Variants in AP3B2 observed in about 807,000 individuals in gnomAD.
AP3B2 encodes the protein AP-3 complex subunit beta-2.
In AP3B2, 50 loss-of-function variants were observed where a neutral mutation model predicts 126.9. The ratio of observed to expected loss-of-function variants is 0.39; its 90% CI spans 0.31 to 0.50. The LOEUF (loss-of-function observed/expected upper bound fraction) is 0.50, where lower values mean the gene tolerates loss of function less well. AP3B2 is among the 20% of genes least tolerant of loss of function. The pLI is 0.79. For synonymous variants in AP3B2, 541 were observed against 565.0 expected (o/e 0.96, Z 0.60); for missense variants, 1,177 against 1,426.4 (o/e 0.83, Z 2.82).
chr15:82,659,301 G>T lies in AP3B2; in HGVS notation c.*259C>A. 1 of 425,446 alleles carries T rather than the reference G, an allele frequency of 2.4e-6. No individual in the cohort carries two copies. The allele number at this position is 425,446 out of a possible 1,614,324, so 26.4% of individuals were successfully genotyped here. On this transcript the variant is annotated 3_prime_UTR_variant, in exon 27 of 27. Transcript: ENST00000535359. Reference sequence around the variant, plus strand: ...GCAGCTAGAGAGAAGACATTTTATTGAGCCTGCTACATAAATAGCTACAGA... The same window carrying T: ...GCAGCTAGAGAGAAGACATTTTATTTAGCCTGCTACATAAATAGCTACAGA...
rs1346284272 is a variant in AP3B2 at position 82,665,127 on chromosome 15, G to A, written c.2028+120C>T. ...AGGGGAGGGAATGCTGCTCACAGAGGAGCACTGCCAAACCAAGGTGGAAAC... is the reference window on the plus strand; with the variant it reads ...AGGGGAGGGAATGCTGCTCACAGAGAAGCACTGCCAAACCAAGGTGGAAAC... On this transcript the variant is annotated intron_variant, in intron 17 of 26. Coordinates refer to ENST00000535359, the MANE Select transcript of AP3B2 (RefSeq NM_001278512.2). This position sits in a 1 kb window ranked among gnomAD's most constrained non-coding sequence, Gnocchi z 4.4. The A allele has an allele frequency of 1.5e-5, 18 of 1,171,912 alleles. No homozygotes were observed. Among genetic ancestry groups the A allele is most frequent in the Middle Eastern group, 3.8e-4 (2 of 5,216 alleles). The allele number at this position is 1,171,912 out of a possible 1,614,324, so 72.6% of individuals were successfully genotyped here. A position where few individuals can be genotyped will look rare whatever the true frequency, so the allele number is the denominator to read the frequency against.
At position 82,664,766 on chromosome 15, in the gene AP3B2, C is replaced by A; in HGVS notation, c.2137+69G>T. ...TAGACACACAACCATATACATATAC[C>A]CCTCATATAGTCAGTCACACAGATG... is the stretch of plus-strand genomic sequence containing the variant. On this transcript the variant is annotated intron_variant, in intron 18 of 26. Coordinates refer to ENST00000535359, the MANE Select transcript of AP3B2 (RefSeq NM_001278512.2). This position sits in a 1 kb window ranked among gnomAD's most constrained non-coding sequence, Gnocchi z 4.5. The A allele has an allele frequency of 8.1e-7, 1 of 1,229,126 alleles. No individual in the cohort carries two copies. Among genetic ancestry groups the A allele is most frequent in the South Asian group, 1.4e-5 (1 of 73,798 alleles). 76.1% of individuals were successfully genotyped at this position (1,229,126 alleles called of 1,614,324 possible).
Position 82,665,122 on chromosome 15 carries a change from C to G in AP3B2, c.2028+125G>C. Reference sequence around the variant, plus strand: ...CATGGAGGGGAGGGAATGCTGCTCACAGAGGAGCACTGCCAAACCAAGGTG... The same window carrying G: ...CATGGAGGGGAGGGAATGCTGCTCAGAGAGGAGCACTGCCAAACCAAGGTG... On this transcript the variant is annotated intron_variant, in intron 17 of 26. Transcript: ENST00000535359. The surrounding 1 kb of genome is among the most constrained non-coding windows in gnomAD (Gnocchi z 4.4). The G allele has an allele frequency of 8.7e-7, 1 of 1,144,278 alleles. No homozygotes were observed. Among genetic ancestry groups the G allele is most frequent in the Non-Finnish European group, 1.3e-6 (1 of 798,664 alleles). The allele number at this position is 1,144,278 out of a possible 1,614,324, so 70.9% of individuals were successfully genotyped here.
At chr15:82,663,029 C>T (rs145292515) in intron 22 of AP3B2, 98 bp downstream of exon 22, 35,860 of 1,487,300 alleles carry the variant, frequency 0.024, 486 homozygotes, top group Non-Finnish European at 0.028. Context: ...GCTATCACAT[C>T]CTCCATCACA....
Position 82,681,201 on chromosome 15 carries a change from G to C in AP3B2, c.522-23C>G, listed in dbSNP as rs1287955525. On this transcript the variant is annotated intron_variant, in intron 5 of 26. Coordinates refer to ENST00000535359, the MANE Select transcript of AP3B2 (RefSeq NM_001278512.2). This position sits in a 1 kb window ranked among gnomAD's most constrained non-coding sequence, Gnocchi z 4.0. ...AAACTGAGGGAGAAATCGGTGAGGG[G>C]AATTTGCCACTCTCAGCCCCAGCCT... 3 of 1,602,998 alleles carry C rather than the reference G, an allele frequency of 1.9e-6. No individual in the cohort carries two copies. Among genetic ancestry groups the C allele is most frequent in the Non-Finnish European group, 2.6e-6 (3 of 1,174,902 alleles).
At chr15:82,669,606 C>T (rs572730530) in intron 14 of AP3B2, among the ~76,000 whole-genome samples, 20 of 150,736 alleles carry the variant, frequency 1.3e-4, no homozygotes, top group Admixed American at 4.6e-4. Flanking sequence ...GCAGGAGAAC[C>T]GCTTGAACCC....
In AP3B2 at chr15:82,664,301, A is replaced by G. The variant is rs1429199121; in HGVS notation, c.2261+66T>C. Reference sequence around the variant, plus strand: ...CTCTTAGGAGACTGGCTAAAGCTCAATGCTAGCCCTCTTTCCAGGAAAGCC... The same window carrying G: ...CTCTTAGGAGACTGGCTAAAGCTCAGTGCTAGCCCTCTTTCCAGGAAAGCC... On this transcript the variant is annotated intron_variant, in intron 19 of 26. Coordinates refer to ENST00000535359, the MANE Select transcript of AP3B2 (RefSeq NM_001278512.2). The surrounding 1 kb of genome is among the most constrained non-coding windows in gnomAD (Gnocchi z 4.5). 12 of 1,609,420 alleles carry G rather than the reference A, an allele frequency of 7.5e-6. No individual in the cohort carries two copies. The highest frequency in any genetic ancestry group is 6.7e-5 in the East Asian group (3 of 44,866).
In AP3B2 at chr15:82,665,275, T is replaced by G. The variant is rs2151429664; in HGVS notation, c.2000A>C (p.His667Pro). 1 of 1,545,374 alleles carries G rather than the reference T, an allele frequency of 6.5e-7. No individual in the cohort carries two copies. Among genetic ancestry groups the G allele is most frequent in the Non-Finnish European group, 8.7e-7 (1 of 1,152,184 alleles). The change falls in exon 17 of 27, where the codon CAC becomes CCC. Residue 667 changes from histidine to proline, a missense_variant. By Grantham distance (77) the His-to-Pro change is moderately conservative. Transcript: ENST00000535359. This position sits in a 1 kb window ranked among gnomAD's most constrained non-coding sequence, Gnocchi z 4.4. ...AGTGTATTCGCCCAACAGGCCCACG[T>G]GAGTCTCAATAAGGGAGAGATCTTC... ...EEEDLSLIET[H>P]VGLLGEYTEV...
intron 25 of AP3B2, among the ~76,000 whole-genome samples, chr15:82,660,556 C>G (rs529430520): frequency 6.6e-6 from 1 of 152,164 alleles, no homozygotes; most frequent in Non-Finnish European, 1.5e-5. Flanking sequence ...CAGAACTCCT[C>G]ATTCTGCAAG....
chr15:82,663,396 C>A (rs772858081), intron 21 of AP3B2, 163 bp from the exon 22 acceptor site: 7 of 998,398 alleles, frequency 7.0e-6, no homozygotes, highest in Non-Finnish European at 1.1e-5. Context: ...CAACCCCAGA[C>A]CTGGGGAGGT....
intron 1 of AP3B2, among the ~76,000 whole-genome samples, chr15:82,704,252 C>T (rs956787781): frequency 2.6e-5 from 4 of 152,194 alleles, no homozygotes; most frequent in African/African-American, 9.7e-5. Context: ...TCTCAATATA[C>T]ATTTTATTAC....
intron 1 of AP3B2, 111 bp from the exon 2 acceptor site, chr15:82,689,564 C>T: frequency 9.9e-7 from 1 of 1,006,584 alleles, no homozygotes; most frequent in Non-Finnish European, 1.5e-6. Flanking sequence ...TCAGGCAGGA[C>T]CTGACCCGAG....
At chr15:82,706,000 G>A (rs2048789582) in intron 1 of AP3B2, among the ~76,000 whole-genome samples, 1 of 152,120 alleles carries the variant, frequency 6.6e-6, no homozygotes, top group Non-Finnish European at 1.5e-5. Context: ...CACAGCCAAA[G>A]TGCAGGGCTG....
intron 12 of AP3B2, 138 bp downstream of exon 12, chr15:82,677,533 G>A: frequency 1.4e-6 from 2 of 1,387,896 alleles, no homozygotes; most frequent in East Asian, 2.5e-5. Context: ...GGAACACTTG[G>A]GCCCTGATCA....
intron 3 of AP3B2, 42 bp downstream of exon 3, chr15:82,689,116 G>C: frequency 6.2e-7 from 1 of 1,603,614 alleles, no homozygotes; most frequent in South Asian, 1.1e-5. Context: ...TGTGGTCCTG[G>C]GGGAGGTGGG....
In AP3B2 at chr15:82,661,807, C is replaced by A; in HGVS notation, c.3016+18G>T. On this transcript the variant is annotated intron_variant, in intron 25 of 26. Coordinates refer to ENST00000535359, the MANE Select transcript of AP3B2 (RefSeq NM_001278512.2). Reference sequence around the variant, plus strand: ...GCTTCTATACTTCCCTCTCTGCCCACTCCCAGGGAGCACTCACCCTGTTCC... The same window carrying A: ...GCTTCTATACTTCCCTCTCTGCCCAATCCCAGGGAGCACTCACCCTGTTCC... 6.2e-7 allele frequency: 1 copy of A among 1,600,058 alleles called. No homozygotes were observed. The highest frequency in any genetic ancestry group is 8.5e-7 in the Non-Finnish European group (1 of 1,170,892).
At chr15:82,689,673 A>C (rs1490574849) in intron 1 of AP3B2, 3 of 578,310 alleles carry the variant, frequency 5.2e-6, no homozygotes, top group Non-Finnish European at 9.3e-6. Context: ...TAAAAAGGAT[A>C]TATTTAAGTC....
Position 82,681,380 on chromosome 15 carries a change from A to C in AP3B2, c.521+40T>G. The C allele has an allele frequency of 1.2e-6, 2 of 1,607,652 alleles. No homozygotes were observed. The highest frequency in any genetic ancestry group is 1.7e-6 in the Non-Finnish European group (2 of 1,176,440). On this transcript the variant is annotated intron_variant, in intron 5 of 26. Coordinates refer to ENST00000535359, the MANE Select transcript of AP3B2 (RefSeq NM_001278512.2). This position sits in a 1 kb window ranked among gnomAD's most constrained non-coding sequence, Gnocchi z 4.0. Reference sequence around the variant, plus strand: ...CCAGGGGTGGGTTGAGAACTTAGGAACCAGCCTCCTGGGGAGCGTGGGACA... The same window carrying C: ...CCAGGGGTGGGTTGAGAACTTAGGACCCAGCCTCCTGGGGAGCGTGGGACA...
Position 82,680,826 on chromosome 15 carries a change from G to T in AP3B2, c.771+11C>A, listed in dbSNP as rs756000156. On this transcript the variant is annotated intron_variant, in intron 7 of 26. Transcript: ENST00000535359. The surrounding 1 kb of genome is among the most constrained non-coding windows in gnomAD (Gnocchi z 6.1). ...ACTTCGGCCCGCTCTGCCTGGGCTG[G>T]GCCCACTTACGTTCTGGGTGGGGCT... 1.2e-6 allele frequency: 2 copies of T among 1,610,042 alleles called. No homozygotes were observed. The highest frequency in any genetic ancestry group is 1.1e-5 in the South Asian group (1 of 91,028).
Sources: gnomAD v4.1 joint callset for allele counts (sites outside exome capture counted in the v4.1 genomes callset) on GRCh38, gnomAD v4.1.1 for gene constraint, Gnocchi (gnomAD v3.1) non-coding constraint, MANE v1.5 for transcripts, NCBI Gene and HGNC (gene_info 2026-07-23, HGNC 2026-07-21) for gene names.